CSMD1: variants seen among roughly 807,000 people sequenced by gnomAD.
CSMD1 encodes the protein CUB and sushi domain-containing protein 1.
In CSMD1, 213 loss-of-function variants were observed where a neutral mutation model predicts 417.5. That is an observed-to-expected ratio of 0.51 (90% CI 0.46 to 0.57). CSMD1 has a LOEUF of 0.57. Among genes scored for constraint, CSMD1 ranks in the 20% least tolerant of loss-of-function variants. The probability of loss-of-function intolerance (pLI) is 0.00; values close to 1 mark genes in which losing one functional copy is unlikely to be tolerated. For synonymous variants in CSMD1, 2,862 were observed against 1,736.8 expected, an observed-to-expected ratio of 1.65 and a Z score of -16.11; for missense variants, 6,923 against 4,529.7, an observed-to-expected ratio of 1.53 and a Z score of -15.17.
intron 49 of CSMD1, among the ~76,000 whole-genome samples, chr8:3,083,873 T>A (rs1814326224): frequency 6.6e-6 from 1 of 151,588 alleles, no homozygotes; most frequent in Admixed American, 6.6e-5. Flanking sequence ...TTGCCCAGGC[T>A]GGCCTGAACT....
chr8:4,447,714 A>G (rs1798896179), intron 2 of CSMD1, among the ~76,000 whole-genome samples: 1 of 152,214 alleles, frequency 6.6e-6, no homozygotes, highest in South Asian at 2.1e-4. Flanking sequence ...CATAGTTAAT[A>G]AAACCAAAAT....
At chr8:2,990,663 G>A (rs1300868725) in intron 54 of CSMD1, among the ~76,000 whole-genome samples, 2 of 152,112 alleles carry the variant, frequency 1.3e-5, no homozygotes, top group Non-Finnish European at 2.9e-5. Context: ...TCCTAAATAA[G>A]ACACAATAGA....
At chr8:3,372,455 C>CT (rs1194207274) in intron 18 of CSMD1, among the ~76,000 whole-genome samples, 1 of 152,082 alleles carries the variant, frequency 6.6e-6, no homozygotes, top group Non-Finnish European at 1.5e-5. Flanking sequence ...AGAGAATACA[C>CT]AGTGGTGAAG....
At chr8:4,229,979 A>T (rs748912030) in intron 3 of CSMD1, among the ~76,000 whole-genome samples, 2 of 152,222 alleles carry the variant, frequency 1.3e-5, no homozygotes, top group Non-Finnish European at 2.9e-5. Flanking sequence ...AGCCGACATT[A>T]TAACACTTAA....
intron 1 of CSMD1, among the ~76,000 whole-genome samples, chr8:4,711,430 T>C (rs1196300087): frequency 6.6e-6 from 1 of 152,200 alleles, no homozygotes; most frequent in Non-Finnish European, 1.5e-5. Flanking sequence ...TGTTTAGTAA[T>C]AGCTGCATTT....
intron 25 of CSMD1, among the ~76,000 whole-genome samples, chr8:3,291,958 G>A (rs1803606487): frequency 6.6e-6 from 1 of 151,618 alleles, no homozygotes; most frequent in African/African-American, 2.4e-5. Context: ...TCTCTTGTGG[G>A]CATTTAGTGC....
chr8:3,533,541 C>A (rs529598065), intron 10 of CSMD1, among the ~76,000 whole-genome samples: 2 of 152,164 alleles, frequency 1.3e-5, no homozygotes, highest in Non-Finnish European at 2.9e-5. Flanking sequence ...ACATCTCTCA[C>A]TACTATGTCT....
chr8:4,361,836 T>A (rs1236780319), intron 3 of CSMD1, among the ~76,000 whole-genome samples: 1 of 152,070 alleles, frequency 6.6e-6, no homozygotes, highest in Admixed American at 6.5e-5. Context: ...GCGCCTGTAC[T>A]CCCAGCTATT....
intron 26 of CSMD1, among the ~76,000 whole-genome samples, chr8:3,250,486 C>G (rs1035282484): frequency 1.3e-5 from 2 of 152,148 alleles, no homozygotes; most frequent in Admixed American, 6.5e-5. Flanking sequence ...GGTTCCAAGT[C>G]TTTGCTATTG....
chr8:4,433,621 C>G (rs1797991929), intron 2 of CSMD1, among the ~76,000 whole-genome samples: 1 of 152,132 alleles, frequency 6.6e-6, no homozygotes. Flanking sequence ...TTGATAAAGC[C>G]AGTTTTCTTT....
intron 3 of CSMD1, among the ~76,000 whole-genome samples, chr8:4,363,455 G>C (rs533400628): frequency 6.6e-6 from 1 of 152,080 alleles, no homozygotes; most frequent in Non-Finnish European, 1.5e-5. Flanking sequence ...GGTCTTTCCA[G>C]CTCTATCTTC....
At chr8:3,487,117 G>C (rs561085757) in intron 11 of CSMD1, among the ~76,000 whole-genome samples, 121 of 152,282 alleles carry the variant, frequency 7.9e-4, no homozygotes, top group African/African-American at 2.9e-3. Flanking sequence ...GAGTGTACTA[G>C]CATTATACAG....
chr8:4,285,386 G>C (rs753716285), intron 3 of CSMD1, among the ~76,000 whole-genome samples: 4 of 152,140 alleles, frequency 2.6e-5, no homozygotes. Flanking sequence ...AGAGGGAAAT[G>C]AATTTGTGGC....
At chr8:3,719,058 A>C (rs763794653) in intron 6 of CSMD1, among the ~76,000 whole-genome samples, 1 of 152,162 alleles carries the variant, frequency 6.6e-6, no homozygotes, top group Non-Finnish European at 1.5e-5. Context: ...AGATGTAGAA[A>C]ACCCTCCTGA....
At chr8:3,527,838 T>G (rs1797818188) in intron 10 of CSMD1, among the ~76,000 whole-genome samples, 1 of 152,216 alleles carries the variant, frequency 6.6e-6, no homozygotes, top group Non-Finnish European at 1.5e-5. Context: ...TAGATGTGCA[T>G]CTCTTAACAG....
Position 2,950,139 on chromosome 8 carries a change from A to G in CSMD1, c.10314+92T>C, listed in dbSNP as rs1802526164. 2.8e-5 allele frequency: 23 copies of G among 826,106 alleles called. 1 individual carries two copies. The South Asian group carries it at 2.9e-4, about 10-fold the overall frequency. The allele number at this position is 826,106 out of a possible 1,614,324, so 51.2% of individuals were successfully genotyped here. On this transcript the variant is annotated intron_variant, in intron 67 of 69. Coordinates refer to ENST00000635120, the MANE Select transcript of CSMD1 (RefSeq NM_033225.6). ...CAAGGGGCAGACACAAGACAGCTCT[A>G]CTCAGAAGCCTCCAATCCGTAGCCC...
chr8:3,826,614 T>C (rs1802068997), intron 5 of CSMD1, among the ~76,000 whole-genome samples: 1 of 152,114 alleles, frequency 6.6e-6, no homozygotes. Flanking sequence ...CTCAGTCCCG[T>C]TCTGCTGAGT....
At chr8:4,545,643 A>T (rs1797594628) in intron 2 of CSMD1, among the ~76,000 whole-genome samples, 1 of 152,204 alleles carries the variant, frequency 6.6e-6, no homozygotes, top group African/African-American at 2.4e-5. Context: ...GGCTAGGAGT[A>T]AGACACCCTA....
chr8:4,716,572 G>A lies in CSMD1; in HGVS notation c.86-79014C>T, dbSNP rs149671580. ...ATAAATTTTAGGCACAGATGTTAAAGGAATTTACTATATTCTTATAGAAAT... is the reference window on the plus strand; with the variant it reads ...ATAAATTTTAGGCACAGATGTTAAAAGAATTTACTATATTCTTATAGAAAT... On this transcript the variant is annotated intron_variant, in intron 1 of 69. Transcript: ENST00000635120. Among the ~76,000 whole-genome samples, 406 of 152,264 alleles carry A rather than the reference G, an allele frequency of 2.7e-3. No homozygotes were observed. In the Middle Eastern group the frequency reaches 0.027, roughly 10 times the overall value.
Sources: gnomAD v4.1 joint callset for allele counts (sites outside exome capture counted in the v4.1 genomes callset) on GRCh38, gnomAD v4.1.1 for gene constraint, MANE v1.5 for transcripts, NCBI Gene and HGNC (gene_info 2026-07-23, HGNC 2026-07-21) for gene names.